Variants in FSTL5 observed in about 807,000 individuals in gnomAD.
The protein encoded by FSTL5 is follistatin-related protein 5.
A neutral mutation model predicts 89.1 loss-of-function variants in FSTL5; 62 were observed. That is an observed-to-expected ratio of 0.70 (90% CI 0.57 to 0.86). The LOEUF is 0.86. Ranked by LOEUF, FSTL5 falls within the 40% of genes least tolerant of loss-of-function variation. The pLI is 0.00. For synonymous variants in FSTL5, 383 were observed against 346.2 expected, an observed-to-expected ratio of 1.11 and a Z score of -1.18; for missense variants, 1,057 against 1,001.6, an observed-to-expected ratio of 1.06 and a Z score of -0.75.
At chr4:161,966,732 C>A (rs1223469245) in intron 3 of FSTL5, among the ~76,000 whole-genome samples, 5 of 152,172 alleles carry the variant, frequency 3.3e-5, no homozygotes, top group Middle Eastern at 3.4e-3. Context: ...GCTGACACGT[C>A]CATCTTGGAC....
intron 3 of FSTL5, among the ~76,000 whole-genome samples, chr4:161,995,429 C>T (rs1016317713): frequency 2.6e-5 from 4 of 152,084 alleles, no homozygotes; most frequent in African/African-American, 9.7e-5. Flanking sequence ...TTGTGCTTGG[C>T]TTGATATTAA....
intron 4 of FSTL5, among the ~76,000 whole-genome samples, chr4:161,912,694 A>G (rs1733729319): frequency 6.6e-6 from 1 of 152,196 alleles, no homozygotes; most frequent in African/African-American, 2.4e-5. Context: ...GCATGGCTGA[A>G]AAGATACCAG....
intron 8 of FSTL5, among the ~76,000 whole-genome samples, chr4:161,566,100 C>CTATATATA (rs59511238): frequency 0.012 from 664 of 53,766 alleles, 21 homozygotes; most frequent in South Asian, 0.022. Flanking sequence ...TTTTTTTGGA[C>CTATATATA]TATATATATA....
At chr4:161,563,466 G>A (rs918194076) in intron 8 of FSTL5, among the ~76,000 whole-genome samples, 7 of 151,790 alleles carry the variant, frequency 4.6e-5, no homozygotes, top group South Asian at 2.1e-4. Context: ...TTATTTTCCT[G>A]GGCTTTGTTT....
chr4:162,024,047 A>T lies in FSTL5; in HGVS notation c.160+9578T>A, dbSNP rs111626918. On this transcript the variant is annotated intron_variant, in intron 3 of 15. Transcript: ENST00000306100. ...GCTTTTAATTTACTAGGCCCTGTAA[A>T]AAAAGCCTATAAAAAGGAAAGCATG... is the stretch of plus-strand genomic sequence containing the variant. 2.9e-3 allele frequency among the ~76,000 whole-genome samples: 436 copies of T among 152,288 alleles called. 1 individual carries two copies. The highest frequency in any genetic ancestry group is 5.1e-3 in the Non-Finnish European group (349 of 68,018).
chr4:162,068,205 A>G (rs1270464671), intron 2 of FSTL5, among the ~76,000 whole-genome samples: 1 of 152,132 alleles, frequency 6.6e-6, no homozygotes, highest in Non-Finnish European at 1.5e-5. Context: ...AAACTATTTT[A>G]AATTTTATGT....
At chr4:162,113,054 C>T (rs1309789331) in intron 1 of FSTL5, among the ~76,000 whole-genome samples, 1 of 152,084 alleles carries the variant, frequency 6.6e-6, no homozygotes, top group East Asian at 1.9e-4. Context: ...TACCTGTATT[C>T]CTGCTTCATT....
intron 4 of FSTL5, among the ~76,000 whole-genome samples, chr4:161,869,933 A>G (rs2126898746): frequency 6.6e-6 from 1 of 152,190 alleles, no homozygotes; most frequent in East Asian, 1.9e-4. Flanking sequence ...CAATCTCTTT[A>G]CCTCTCCTTT....
intron 6 of FSTL5, among the ~76,000 whole-genome samples, chr4:161,705,821 AG>A (rs2126733985): frequency 6.7e-6 from 1 of 150,260 alleles, no homozygotes; most frequent in Non-Finnish European, 1.5e-5. Context: ...ATTGTAATAT[AG>A]GTAAACTTGG....
intron 1 of FSTL5, among the ~76,000 whole-genome samples, chr4:162,112,940 C>T (rs1244199662): frequency 1.3e-5 from 2 of 152,124 alleles, no homozygotes; most frequent in Non-Finnish European, 2.9e-5. Context: ...CTTCTCTCTT[C>T]TGTTTCTGTA....
At chr4:161,523,096 A>T (rs979829166) in intron 10 of FSTL5, among the ~76,000 whole-genome samples, 3 of 152,174 alleles carry the variant, frequency 2.0e-5, no homozygotes, top group Admixed American at 6.5e-5. Flanking sequence ...ACTTTTATAA[A>T]CGTCTCTAAT....
intron 2 of FSTL5, among the ~76,000 whole-genome samples, chr4:162,059,057 A>G (rs1487963828): frequency 6.6e-6 from 1 of 152,224 alleles, no homozygotes; most frequent in South Asian, 2.1e-4. Context: ...TAAATAAGGC[A>G]GAAATCCCAC....
intron 8 of FSTL5, among the ~76,000 whole-genome samples, chr4:161,556,181 G>T (rs1431748862): frequency 6.6e-6 from 1 of 151,486 alleles, no homozygotes; most frequent in East Asian, 1.9e-4. Flanking sequence ...CACCTCAATA[G>T]TGTGTTTGTA....
chr4:161,716,590 C>G lies in FSTL5; in HGVS notation c.727+42821G>C, dbSNP rs147850588. ...CCAGCCTGGGCAACAGAGCGAAACC[C>G]TGTCTCAAAAAATAAATAAATAAAA... On this transcript the variant is annotated intron_variant, in intron 6 of 15. Transcript: ENST00000306100. Among the ~76,000 whole-genome samples the G allele has an allele frequency of 5.0e-3, 767 of 152,010 alleles. 19 individuals are homozygous for G. The highest frequency in any genetic ancestry group is 0.036 in the Admixed American group (554 of 15,262).
At chr4:161,582,884 C>G (rs540554342) in intron 8 of FSTL5, among the ~76,000 whole-genome samples, 54 of 152,196 alleles carry the variant, frequency 3.5e-4, no homozygotes, top group Admixed American at 3.9e-4. Flanking sequence ...TTCATTAAAA[C>G]TTTTTTAAAA....
chr4:161,543,741 T>C (rs1027049908), intron 8 of FSTL5, among the ~76,000 whole-genome samples: 16 of 136,302 alleles, frequency 1.2e-4, no homozygotes, highest in Non-Finnish European at 3.4e-5. Context: ...CCCCATACCA[T>C]AAGCAAAATT....
At chr4:161,973,342 G>T (rs940187282) in intron 3 of FSTL5, among the ~76,000 whole-genome samples, 2 of 152,086 alleles carry the variant, frequency 1.3e-5, no homozygotes, top group Non-Finnish European at 2.9e-5. Flanking sequence ...TAAATATTTT[G>T]ATCACAAGTG....
chr4:161,986,279 G>C (rs547896523), intron 3 of FSTL5, among the ~76,000 whole-genome samples: 1 of 152,294 alleles, frequency 6.6e-6, no homozygotes, highest in Non-Finnish European at 1.5e-5. Context: ...GCCAGGCACG[G>C]TGGCTCACGC....
chr4:161,735,647 C>T (rs750507679), intron 6 of FSTL5, among the ~76,000 whole-genome samples: 37 of 151,922 alleles, frequency 2.4e-4, no homozygotes, highest in Admixed American at 5.9e-4. Context: ...ATTTATCATG[C>T]GTATAGTATA....
Sources: allele counts gnomAD v4.1 joint callset (sites outside exome capture counted in the v4.1 genomes callset), GRCh38; gene constraint gnomAD v4.1.1; transcripts MANE v1.5; gene names NCBI Gene and HGNC (gene_info 2026-07-23, HGNC 2026-07-21).